Variants in ADH1C observed in about 807,000 individuals in gnomAD.
ADH1C encodes alcohol dehydrogenase 1C.
ADH1C carries 26 observed loss-of-function variants against 35.0 expected under a neutral mutation model. That is an observed-to-expected ratio of 0.74 (90% confidence interval 0.54 to 1.03). The LOEUF is 1.03. ADH1C is among the 50% of genes least tolerant of loss of function. ADH1C has a pLI of 0.00. For missense variants in ADH1C, 413 were observed against 465.4 expected (o/e 0.89, Z 1.04); for synonymous variants, 170 against 169.3 (o/e 1.00, Z -0.03).
At chr4:99,346,530 G>C (rs922152090) in intron 3 of ADH1C, among the ~76,000 whole-genome samples, 1 of 90,938 alleles carries the variant, frequency 1.1e-5, no homozygotes, top group Non-Finnish European at 3.1e-5. Flanking sequence ...AGCTGCATAG[G>C]TCACCTAAGG....
intron 6 of ADH1C, among the ~76,000 whole-genome samples, chr4:99,341,923 A>G (rs931566660): frequency 6.6e-6 from 1 of 151,380 alleles, no homozygotes; most frequent in African/African-American, 2.4e-5. Flanking sequence ...GAGGTAGGAA[A>G]CTCACTTAAG....
In ADH1C at chr4:99,347,030, C is replaced by A; in HGVS notation, c.235G>T (p.Glu79Ter). The part of the protein sequence containing the change: ...EAAGIVESVG[E>*]GVTTVKPGDK... ...CCTGGTTTGACTGTAGTCACCCCTT[C>A]TCCAACACTTTCCACGATGCCGGCT... The change falls in exon 3 of 9, where the codon GAA becomes TAA. Residue 79 changes from glutamate to a stop codon, truncating the protein, a stop_gained. Coordinates refer to ENST00000515683, the MANE Select transcript of ADH1C (RefSeq NM_000669.5). LOFTEE classifies it high-confidence loss of function. 1.9e-6 allele frequency: 3 copies of A among 1,614,056 alleles called. No homozygotes were observed. Among genetic ancestry groups the A allele is most frequent in the Non-Finnish European group, 2.5e-6 (3 of 1,179,988 alleles).
At chr4:99,348,889 AT>A (rs1193195765) in intron 1 of ADH1C, among the ~76,000 whole-genome samples, 1 of 151,618 alleles carries the variant, frequency 6.6e-6, no homozygotes, top group Non-Finnish European at 1.5e-5. Flanking sequence ...GATGATGAAC[AT>A]TTTTTCATGT....
At chr4:99,338,263 T>C (rs1734322094) in intron 8 of ADH1C, among the ~76,000 whole-genome samples, 1 of 150,558 alleles carries the variant, frequency 6.6e-6, no homozygotes, top group Non-Finnish European at 1.5e-5. Flanking sequence ...GCATGCTCCA[T>C]GCCTTCTTTT....
intron 8 of ADH1C, among the ~76,000 whole-genome samples, chr4:99,338,761 G>A (rs1346979944): frequency 1.3e-5 from 2 of 149,766 alleles, no homozygotes; most frequent in Non-Finnish European, 3.0e-5. Context: ...GAGTTTCAAA[G>A]AAACACTATT....
At chr4:99,347,288 AT>A in intron 2 of ADH1C, 144 bp from the exon 3 acceptor site, 1 of 1,038,552 alleles carries the variant, frequency 9.6e-7, no homozygotes, top group Non-Finnish European at 1.4e-6. Context: ...AATATGAAAG[AT>A]TCAGTTTATC....
chr4:99,349,056 ATT>A (rs1258130793), intron 1 of ADH1C, among the ~76,000 whole-genome samples: 2 of 138,548 alleles, frequency 1.4e-5, no homozygotes, highest in Non-Finnish European at 3.1e-5. Flanking sequence ...GGTTGCGAAA[ATT>A]TTCTCCCATT....
chr4:99,338,217 G>A (rs917714335), intron 8 of ADH1C, among the ~76,000 whole-genome samples: 10 of 150,294 alleles, frequency 6.7e-5, no homozygotes, highest in Admixed American at 1.3e-4. Context: ...TTACATATGC[G>A]TATTACTATA....
At chr4:99,339,944 G>C (rs1734374690) in intron 7 of ADH1C, among the ~76,000 whole-genome samples, 1 of 152,176 alleles carries the variant, frequency 6.6e-6, no homozygotes. Flanking sequence ...AGAAATTATA[G>C]TACAGATGTT....
At chr4:99,348,870 A>T (rs1373786904) in intron 1 of ADH1C, among the ~76,000 whole-genome samples, 1 of 152,066 alleles carries the variant, frequency 6.6e-6, no homozygotes, top group Non-Finnish European at 1.5e-5. Flanking sequence ...CATTTCTCTG[A>T]TGGCCAGTGA....
chr4:99,345,366 A>C (rs1313495157), intron 3 of ADH1C, 100 bp from the exon 4 acceptor site: 3 of 1,239,390 alleles, frequency 2.4e-6, no homozygotes, highest in African/African-American at 1.5e-5. Context: ...ATGTGTCTGA[A>C]AAGTTTCTAA....
At chr4:99,345,347 AT>A in intron 3 of ADH1C, 81 bp from the exon 4 acceptor site, 1 of 1,339,322 alleles carries the variant, frequency 7.5e-7, no homozygotes, top group Non-Finnish European at 1.0e-6. Context: ...ACATGTATAG[AT>A]TAGAATTATG....
chr4:99,336,847 G>T (rs1360986065), intron 8 of ADH1C, 71 bp from the exon 9 acceptor site: 31 of 1,599,518 alleles, frequency 1.9e-5, no homozygotes, highest in African/African-American at 4.0e-5. Context: ...ATAGTCCAAG[G>T]AGTATTTGAG....
chr4:99,347,083 G>A lies in ADH1C; in HGVS notation c.182C>T (p.Pro61Leu). Reference sequence around the variant, plus strand: ...CTCATGGCCTAAAATCACAGGAAGGGGGGTCACCAGGTTGCCACTAACCAC... The same window carrying A: ...CTCATGGCCTAAAATCACAGGAAGGAGGGTCACCAGGTTGCCACTAACCAC... ...EHVVSGNLVT[P>L]LPVILGHEAA... Residue 61 changes from proline (P) to leucine (L), a missense_variant, in exon 3 of 9, where the codon CCC (proline) becomes CTC (leucine). By Grantham distance (98) the Pro-to-Leu change is moderately conservative. Coordinates refer to ENST00000515683, the MANE Select transcript of ADH1C (RefSeq NM_000669.5). The A allele has an allele frequency of 6.2e-7, 1 of 1,614,064 alleles. No homozygotes were observed.
intron 1 of ADH1C, among the ~76,000 whole-genome samples, chr4:99,348,576 G>T (rs1166111132): frequency 4.6e-5 from 7 of 150,542 alleles, no homozygotes; most frequent in Non-Finnish European, 1.0e-4. Context: ...GAATAATGCG[G>T]CAATAAACAT....
Position 99,338,397 on chromosome 4 carries a change from A to T in ADH1C, c.1103+1180T>A, listed in dbSNP as rs1238310834. Among the ~76,000 whole-genome samples the T allele has an allele frequency of 6.0e-4, 6 of 10,062 alleles. No homozygotes were observed. The South Asian group carries it at 7.5e-3, about 13-fold the overall frequency. 6.6% of individuals were successfully genotyped at this position (10,062 alleles called of 152,430 possible). On this transcript the variant is annotated intron_variant, in intron 8 of 8. Coordinates refer to ENST00000515683, the MANE Select transcript of ADH1C (RefSeq NM_000669.5). ...TAACCTTTGATGAATACTGTTTTCT[A>T]TATATATATATATATATATATATAT...
intron 8 of ADH1C, among the ~76,000 whole-genome samples, chr4:99,339,059 A>G (rs943420133): frequency 6.6e-6 from 1 of 152,086 alleles, no homozygotes. Context: ...TTTTTTCTAA[A>G]CTGCAAAGAA....
At chr4:99,342,498 T>C (rs1734438474) in intron 6 of ADH1C, among the ~76,000 whole-genome samples, 2 of 152,212 alleles carry the variant, frequency 1.3e-5, no homozygotes, top group Admixed American at 1.3e-4. Flanking sequence ...TATTTATATA[T>C]ATTTAAGTTT....
chr4:99,347,773 G>A lies in ADH1C; in HGVS notation c.92C>T (p.Pro31Leu). Residue 31 changes from proline to leucine, a missense_variant, in exon 2 of 9, where the codon CCT (proline) becomes CTT (leucine). Physicochemically the swap from Pro to Leu is moderately conservative, Grantham distance 98. Coordinates refer to ENST00000515683, the MANE Select transcript of ADH1C (RefSeq NM_000669.5). Reference protein sequence around the residue: ...PFSIEEVEVAPPKAHEVRIKM... With the variant: ...PFSIEEVEVALPKAHEVRIKM... ...AATGCGAACTTCATGAGCCTTAGGA[G>A]GTGCAACCTCTACCTCCTCAATGGA... The A allele has an allele frequency of 6.2e-7, 1 of 1,613,426 alleles. No homozygotes were observed.
Sources: allele counts gnomAD v4.1 joint callset (sites outside exome capture counted in the v4.1 genomes callset), GRCh38; gene constraint gnomAD v4.1.1; transcripts MANE v1.5; gene names NCBI Gene and HGNC (gene_info 2026-07-23, HGNC 2026-07-21).